OSBPL8: variants seen among roughly 807,000 people sequenced by gnomAD.
The protein encoded by OSBPL8 is oxysterol-binding protein-related protein 8.
In OSBPL8, 59 loss-of-function variants were observed where a neutral mutation model predicts 125.5. The observed-to-expected ratio is 0.47, with a 90% CI of 0.38 to 0.58. The LOEUF is 0.58. OSBPL8 is among the 20% of genes least tolerant of loss of function. The probability of loss-of-function intolerance (pLI) is 0.00; values close to 1 mark genes in which losing one functional copy is unlikely to be tolerated. For missense variants in OSBPL8, 758 were observed against 1,047.8 expected, an observed-to-expected ratio of 0.72 and a Z score of 3.82; for synonymous variants, 330 against 338.9, an observed-to-expected ratio of 0.97 and a Z score of 0.29.
At chr12:76,480,421 T>C (rs921039637) in intron 2 of OSBPL8, among the ~76,000 whole-genome samples, 2 of 152,136 alleles carry the variant, frequency 1.3e-5, no homozygotes, top group African/African-American at 4.8e-5. Flanking sequence ...AAGTTGATAA[T>C]TGTTGAAGAT....
rs1451336727 is a variant in OSBPL8, at chr12:76,354,647, T to G, written c.*1242A>C. ...AAATTGCTTTCAAGGAATATAAATA[T>G]TTACGTAAAAACACAAAATCAAAAT... On this transcript the variant is annotated 3_prime_UTR_variant, in exon 24 of 24. Transcript: ENST00000261183. 1.3e-5 allele frequency: 2 copies of G among 151,826 alleles called. No individual in the cohort carries two copies. The highest frequency in any genetic ancestry group is 2.9e-5 in the Non-Finnish European group (2 of 67,822). The allele number at this position is 151,826 out of a possible 1,614,324, so 9.4% of individuals were successfully genotyped here.
intron 4 of OSBPL8, chr12:76,422,726 C>A: frequency 2.4e-6 from 1 of 410,408 alleles, no homozygotes; most frequent in Non-Finnish European, 5.0e-6. Context: ...ACAGGCTTTT[C>A]TCTCACATCC....
rs189644287 is a variant in OSBPL8, at chr12:76,535,152, C to T, written c.-68+24245G>A. On this transcript the variant is annotated intron_variant, in intron 1 of 23. Coordinates refer to ENST00000261183, the MANE Select transcript of OSBPL8 (RefSeq NM_020841.5). ...TGCTAAATTTCAAAAAATTAAATTA[C>T]TTCTCTTTAAAAAGTTTTTAAAAAA... Among the ~76,000 whole-genome samples the T allele has an allele frequency of 2.0e-3, 311 of 152,078 alleles. 1 individual carries two copies. The highest frequency in any genetic ancestry group is 6.8e-3 in the African/African-American group (283 of 41,528).
intron 2 of OSBPL8, 117 bp from the exon 3 acceptor site, chr12:76,460,012 A>G (rs1389426601): frequency 2.1e-5 from 20 of 943,296 alleles, no homozygotes; most frequent in Non-Finnish European, 2.5e-5. Context: ...GCATTAGTTT[A>G]TAAGTAGAAA....
intron 4 of OSBPL8, among the ~76,000 whole-genome samples, chr12:76,441,394 CT>C (rs1872164783): frequency 2.0e-5 from 3 of 152,096 alleles, no homozygotes; most frequent in Non-Finnish European, 4.4e-5. Context: ...TGTTTACTTT[CT>C]CTCAAAAATT....
At position 76,450,986 on chromosome 12, in the gene OSBPL8, C is replaced by T; in HGVS notation, c.82G>A (p.Val28Ile). ...DSKDVLGPST[V>I]VANSDESQLL... ...TGAGATTCGTCACTGTTTGCTACAA[C>T]AGCTCAAGGAAAGAAGGGAAAAATA... The change falls in exon 4 of 24, where the codon GTT (valine) becomes ATT (isoleucine). Residue 28 changes from valine (V) to isoleucine (I), a missense_variant and splice_region_variant. By Grantham distance (29) the Val-to-Ile change is conservative. Coordinates refer to ENST00000261183, the MANE Select transcript of OSBPL8 (RefSeq NM_020841.5). The T allele has an allele frequency of 6.2e-7, 1 of 1,612,272 alleles. No individual in the cohort carries two copies. The highest frequency in any genetic ancestry group is 8.5e-7 in the Non-Finnish European group (1 of 1,179,360).
chr12:76,375,458 G>A, intron 16 of OSBPL8, 88 bp from the exon 17 acceptor site: 1 of 830,796 alleles, frequency 1.2e-6, no homozygotes, highest in Non-Finnish European at 1.9e-6. Context: ...TAATCTTTTA[G>A]GAGAAACATA....
intron 21 of OSBPL8, 75 bp downstream of exon 21, chr12:76,369,139 T>C: frequency 7.0e-7 from 1 of 1,429,354 alleles, no homozygotes; most frequent in Non-Finnish European, 9.1e-7. Flanking sequence ...TGAAACCAAA[T>C]TTTAGTTGGT....
At chr12:76,539,438 G>A (rs1950583830) in intron 1 of OSBPL8, among the ~76,000 whole-genome samples, 2 of 152,026 alleles carry the variant, frequency 1.3e-5, no homozygotes, top group South Asian at 4.1e-4. Context: ...AAATGTCAAT[G>A]TACTAAGAAG....
chr12:76,375,669 G>A (rs191650702), intron 16 of OSBPL8, among the ~76,000 whole-genome samples: 1 of 151,582 alleles, frequency 6.6e-6, no homozygotes, highest in African/African-American at 2.4e-5. Flanking sequence ...AAAAATTTGA[G>A]TCACCCAATG....
At chr12:76,467,850 A>G (rs767936403) in intron 2 of OSBPL8, among the ~76,000 whole-genome samples, 20 of 152,142 alleles carry the variant, frequency 1.3e-4, no homozygotes, top group Non-Finnish European at 2.2e-4. Context: ...ATCACCATAC[A>G]CAGAAGACAG....
rs1219096095 is a variant in OSBPL8, at chr12:76,386,656, C to T, written c.1357G>A (p.Ala453Thr). 1.2e-6 allele frequency: 2 copies of T among 1,601,106 alleles called. No individual in the cohort carries two copies. Among genetic ancestry groups the T allele is most frequent in the South Asian group, 2.3e-5 (2 of 88,494 alleles). Reference protein sequence around the residue: ...YYHADFLSEAALEENPYFRLK... With the variant: ...YYHADFLSEATLEENPYFRLK... ...CGGAAATAAGGATTTTCTTCAAGAG[C>T]TGCCCTAAAACACAAAACGGTAAAC... The change falls in exon 13 of 24, where the codon GCT (alanine) becomes ACT (threonine). Residue 453 changes from alanine to threonine, a missense_variant. Ala to Thr is a moderately conservative substitution (Grantham distance 58). Coordinates refer to ENST00000261183, the MANE Select transcript of OSBPL8 (RefSeq NM_020841.5).
chr12:76,423,909 C>T (rs1489591224), intron 4 of OSBPL8, among the ~76,000 whole-genome samples: 1 of 152,184 alleles, frequency 6.6e-6, no homozygotes, highest in Non-Finnish European at 1.5e-5. Flanking sequence ...CACTTCAACG[C>T]TGGTTCTCTA....
At chr12:76,512,182 T>C (rs2137194210) in intron 1 of OSBPL8, among the ~76,000 whole-genome samples, 2 of 152,338 alleles carry the variant, frequency 1.3e-5, no homozygotes, top group South Asian at 4.1e-4. Flanking sequence ...TGTTCACAAG[T>C]TCTTATCCTT....
chr12:76,539,504 AAAAC>A (rs1263315402), intron 1 of OSBPL8, among the ~76,000 whole-genome samples: 1 of 152,218 alleles, frequency 6.6e-6, no homozygotes, highest in Non-Finnish European at 1.5e-5. Flanking sequence ...ATGAAAAACT[AAAAC>A]AAAATAACAT....
chr12:76,553,800 AC>A (rs1951014157), intron 1 of OSBPL8, among the ~76,000 whole-genome samples: 3 of 151,768 alleles, frequency 2.0e-5, no homozygotes, highest in Middle Eastern at 6.9e-3. Flanking sequence ...ATATGGTGAA[AC>A]CCCATCTCTA....
intron 3 of OSBPL8, among the ~76,000 whole-genome samples, chr12:76,454,880 G>T (rs1253051084): frequency 6.6e-6 from 1 of 151,814 alleles, no homozygotes; most frequent in Non-Finnish European, 1.5e-5. Flanking sequence ...AAAAAGCAAA[G>T]AATAATAAAA....
At chr12:76,376,899 A>G (rs1288588630) in intron 16 of OSBPL8, among the ~76,000 whole-genome samples, 1 of 152,014 alleles carries the variant, frequency 6.6e-6, no homozygotes, top group African/African-American at 2.4e-5. Flanking sequence ...TACATTAGGT[A>G]TTTCTCCTAA....
intron 4 of OSBPL8, among the ~76,000 whole-genome samples, chr12:76,435,185 T>TGTGTGTGTGTGTGC (rs1479292183): frequency 6.0e-5 from 9 of 149,130 alleles, no homozygotes; most frequent in African/African-American, 2.3e-4. Context: ...TGTGTGTGTG[T>TGTGTGTGTGTGTGC]GCATATATAC....
Sources: allele counts gnomAD v4.1 joint callset (sites outside exome capture counted in the v4.1 genomes callset), GRCh38; gene constraint gnomAD v4.1.1; transcripts MANE v1.5; gene names NCBI Gene and HGNC (gene_info 2026-07-23, HGNC 2026-07-21).